Variants in LRRC72 observed in about 807,000 individuals in gnomAD.
LRRC72 encodes leucine rich repeat containing 72.
In LRRC72, 41 loss-of-function variants were observed where a neutral mutation model predicts 35.8. That is an observed-to-expected ratio of 1.15 (90% CI 0.89 to 1.49). The LOEUF (loss-of-function observed/expected upper bound fraction) is 1.49, where lower values mean the gene tolerates loss of function less well. Among genes scored for constraint, LRRC72 ranks in the 40% most tolerant of loss-of-function variants. The pLI, the probability that LRRC72 is intolerant of heterozygous loss-of-function variation, is 0.00. For missense variants in LRRC72, 389 were observed against 330.7 expected (o/e 1.18, Z -1.37); for synonymous variants, 118 against 119.2 (o/e 0.99, Z 0.07).
chr7:16,557,051 T>C (rs1279788376), intron 3 of LRRC72, among the ~76,000 whole-genome samples: 1 of 152,048 alleles, frequency 6.6e-6, no homozygotes, highest in Non-Finnish European at 1.5e-5. Context: ...GTAGAAGAAA[T>C]ATTGTCAGCG....
intron 5 of LRRC72, among the ~76,000 whole-genome samples, chr7:16,559,903 A>C (rs1168155528): frequency 6.6e-6 from 1 of 152,106 alleles, no homozygotes; most frequent in Non-Finnish European, 1.5e-5. Flanking sequence ...AAACTAAAAG[A>C]CTTTTTAAGC....
intron 1 of LRRC72, 56 bp from the exon 2 acceptor site, chr7:16,532,439 C>A: frequency 7.9e-7 from 1 of 1,273,836 alleles, no homozygotes; most frequent in Non-Finnish European, 1.1e-6. Context: ...ACTGCAAGTG[C>A]CTCAGCACTT....
At chr7:16,549,143 G>C (rs1391362335) in intron 3 of LRRC72, among the ~76,000 whole-genome samples, 1 of 152,124 alleles carries the variant, frequency 6.6e-6, no homozygotes, top group Admixed American at 6.5e-5. Flanking sequence ...TTGGTCACCA[G>C]TTATAAATTT....
intron 3 of LRRC72, among the ~76,000 whole-genome samples, chr7:16,548,516 C>A (rs373381489): frequency 6.6e-6 from 1 of 152,252 alleles, no homozygotes; most frequent in Non-Finnish European, 1.5e-5. Flanking sequence ...AGGCACCACA[C>A]TGCATTCCCC....
rs1213240543 is a variant in LRRC72, at chr7:16,558,887, A to T, written c.317-2A>T. On this transcript the variant is annotated splice_acceptor_variant, in intron 4 of 8. Transcript: ENST00000401542. LOFTEE classifies it high-confidence loss of function. ...CTTGTAAAAATATTCTGTTTTTTTT[A>T]GGTCTGCATTATTTGCCTTCATTGC... The T allele has an allele frequency of 2.9e-6, 4 of 1,385,934 alleles. No homozygotes were observed. Among genetic ancestry groups the T allele is most frequent in the Admixed American group, 2.9e-5 (1 of 34,806 alleles). 85.9% of individuals were successfully genotyped at this position (1,385,934 alleles called of 1,614,324 possible). A position where few individuals can be genotyped will look rare whatever the true frequency, so the allele number is the denominator to read the frequency against.
intron 3 of LRRC72, among the ~76,000 whole-genome samples, chr7:16,550,207 AC>A (rs1782524862): frequency 1.3e-5 from 2 of 152,102 alleles, no homozygotes; most frequent in Admixed American, 6.6e-5. Flanking sequence ...ACAGAGTGAG[AC>A]CCTATCTCAA....
At chr7:16,578,298 C>A (rs569793902) in intron 7 of LRRC72, among the ~76,000 whole-genome samples, 3 of 152,228 alleles carry the variant, frequency 2.0e-5, no homozygotes, top group Admixed American at 1.3e-4. Context: ...CATGGTGAAA[C>A]CCCGTCTCTA....
intron 1 of LRRC72, among the ~76,000 whole-genome samples, chr7:16,528,400 C>A (rs1782109739): frequency 6.6e-6 from 1 of 152,070 alleles, no homozygotes; most frequent in South Asian, 2.1e-4. Context: ...CAGTCTGTTC[C>A]ACCAGGGCCT....
At chr7:16,560,188 C>T (rs530492072) in intron 5 of LRRC72, among the ~76,000 whole-genome samples, 28 of 152,192 alleles carry the variant, frequency 1.8e-4, no homozygotes, top group South Asian at 1.5e-3. Flanking sequence ...AATAATGTAA[C>T]GCAATAGATA....
Position 16,526,987 on chromosome 7 carries a change from T to C in LRRC72, c.35T>C (p.Leu12Ser), listed in dbSNP as rs1209948092. The change falls in exon 1 of 9, where the codon TTG becomes TCG. Residue 12 changes from leucine to serine, a missense_variant. Physicochemically the swap from Leu to Ser is moderately radical, Grantham distance 145. Transcript: ENST00000401542. ...GACCCGAACCCCGTGCCCCGTACCT[T>C]GCGATGCTGGCGCCTACGGAGGGCA... is the stretch of plus-strand genomic sequence containing the variant. ...SWDPNPVPRT[L>S]RCWRLRRASE... 1.3e-6 allele frequency: 2 copies of C among 1,540,120 alleles called. No homozygotes were observed. Among genetic ancestry groups the C allele is most frequent in the African/African-American group, 1.4e-5 (1 of 73,164 alleles).
chr7:16,527,115 G>A, intron 1 of LRRC72, 73 bp downstream of exon 1: 2 of 1,201,252 alleles, frequency 1.7e-6, no homozygotes, highest in Non-Finnish European at 2.4e-6. Flanking sequence ...TCCTGCCTGA[G>A]GACTCCAGGC....
intron 5 of LRRC72, among the ~76,000 whole-genome samples, chr7:16,560,528 G>A (rs1206473127): frequency 5.9e-5 from 9 of 152,130 alleles, no homozygotes; most frequent in African/African-American, 2.2e-4. Flanking sequence ...TGAAAGAATT[G>A]GCCTGCATAT....
At chr7:16,538,446 C>G (rs1782301339) in intron 3 of LRRC72, among the ~76,000 whole-genome samples, 1 of 152,212 alleles carries the variant, frequency 6.6e-6, no homozygotes, top group Non-Finnish European at 1.5e-5. Flanking sequence ...CCTGGCTCAC[C>G]TCACCTTTAT....
chr7:16,567,557 A>G lies in LRRC72; in HGVS notation c.670+14A>G. 1 of 1,412,422 alleles carries G rather than the reference A, an allele frequency of 7.1e-7. No homozygotes were observed. The highest frequency in any genetic ancestry group is 9.3e-7 in the Non-Finnish European group (1 of 1,075,980). 87.5% of individuals were successfully genotyped at this position (1,412,422 alleles called of 1,614,324 possible). ...GAGTACCTTCAGGTATTTCGTAAAAAAAAAAAAAAAAACAAATTTAATGAA... is the reference window on the plus strand; with the variant it reads ...GAGTACCTTCAGGTATTTCGTAAAAGAAAAAAAAAAAACAAATTTAATGAA... On this transcript the variant is annotated intron_variant, in intron 7 of 8. Transcript: ENST00000401542.
chr7:16,569,766 C>G (rs990567920), intron 7 of LRRC72, among the ~76,000 whole-genome samples: 1 of 152,012 alleles, frequency 6.6e-6, no homozygotes, highest in African/African-American at 2.4e-5. Context: ...CGTGGTGGCT[C>G]AAGCCTGTAA....
chr7:16,569,685 C>A (rs1005010530), intron 7 of LRRC72, among the ~76,000 whole-genome samples: 2 of 148,558 alleles, frequency 1.3e-5, no homozygotes, highest in Admixed American at 6.8e-5. Context: ...ACAGCTATGG[C>A]AAGCCACAGG....
intron 2 of LRRC72, 199 bp downstream of exon 2, chr7:16,532,767 A>G (rs1782191035): frequency 1.6e-6 from 1 of 629,286 alleles, no homozygotes; most frequent in Non-Finnish European, 2.9e-6. Flanking sequence ...AAAAAAAATT[A>G]TGGAGACAGG....
chr7:16,572,883 T>A (rs1199612683), intron 7 of LRRC72, among the ~76,000 whole-genome samples: 1 of 152,132 alleles, frequency 6.6e-6, no homozygotes, highest in South Asian at 2.1e-4. Flanking sequence ...GCAGATGACA[T>A]GATTACATAT....
intron 3 of LRRC72, among the ~76,000 whole-genome samples, chr7:16,544,211 G>A (rs12539791): frequency 0.071 from 10,818 of 152,166 alleles, 535 homozygotes; most frequent in Non-Finnish European, 0.11. Context: ...CTGGAAGGGT[G>A]CATATTTCTT....
Sources: allele counts gnomAD v4.1 joint callset (sites outside exome capture counted in the v4.1 genomes callset), GRCh38; gene constraint gnomAD v4.1.1; transcripts MANE v1.5; gene names NCBI Gene and HGNC (gene_info 2026-07-23, HGNC 2026-07-21).